Variants in HECTD3 observed in about 807,000 individuals in gnomAD.
The protein encoded by HECTD3 is E3 ubiquitin-protein ligase HECTD3.
Under a neutral mutation model 109.3 loss-of-function variants are expected in HECTD3, and 72 were observed. That is an observed-to-expected ratio of 0.66 (90% CI 0.54 to 0.80). The LOEUF (loss-of-function observed/expected upper bound fraction) is 0.80. HECTD3 is among the 30% of genes least tolerant of loss of function. HECTD3 has a pLI of 0.00. For synonymous variants in HECTD3, 481 were observed against 471.8 expected (o/e 1.02, Z -0.25); for missense variants, 1,041 against 1,165.2 (o/e 0.89, Z 1.55).
Position 45,011,262 on chromosome 1 carries a change from A to G in HECTD3, c.-5T>C. 2 of 1,350,952 alleles carry G rather than the reference A, an allele frequency of 1.5e-6. No individual in the cohort carries two copies. The highest frequency in any genetic ancestry group is 1.9e-6 in the Non-Finnish European group (2 of 1,057,236). 83.7% of individuals were successfully genotyped at this position (1,350,952 alleles called of 1,614,324 possible). On this transcript the variant is annotated 5_prime_UTR_variant, in exon 1 of 21. Coordinates refer to ENST00000372172, the MANE Select transcript of HECTD3 (RefSeq NM_024602.6). Reference sequence around the variant, plus strand: ...GCCCGGGCCAGGACCCGCCATGGCGAAGTGGCGGAGGTGAGCACCTAGAGG... The same window carrying G: ...GCCCGGGCCAGGACCCGCCATGGCGGAGTGGCGGAGGTGAGCACCTAGAGG...
chr1:45,010,609 T>C lies in HECTD3; in HGVS notation c.467A>G (p.Asp156Gly), dbSNP rs1281779974. Residue 156 changes from aspartate to glycine, a missense_variant, in exon 2 of 21, where the codon GAC becomes GGC. Asp to Gly is a moderately conservative substitution (Grantham distance 94, BLOSUM62 -1). Around this residue, in one of 2 missense-constraint regions of HECTD3, gnomAD observed 472 missense variants for 449.9 expected, o/e 1.05. Transcript: ENST00000372172. ...CTGCCGCTGGAGGTGGTTGGGAGTG[T>C]CGATGGGTACCAGGCGGGCTCCGCC... ...AEGGARLVPI[D>G]TPNHLQRQQQ... 4 of 1,613,066 alleles carry C rather than the reference T, an allele frequency of 2.5e-6. No individual in the cohort carries two copies. Among genetic ancestry groups the C allele is most frequent in the Non-Finnish European group, 3.4e-6 (4 of 1,179,908 alleles).
In HECTD3 at chr1:45,006,966, C is replaced by T. The variant is rs1459089682; in HGVS notation, c.1606G>A (p.Gly536Ser). 7 of 1,613,998 alleles carry T rather than the reference C, an allele frequency of 4.3e-6. No homozygotes were observed. The Admixed American group carries it at 1.2e-4, about 27-fold the overall frequency. The change falls in exon 12 of 21, where the codon GGC becomes AGC. Residue 536 changes from glycine to serine, a missense_variant. By Grantham distance (56) the Gly-to-Ser change is moderately conservative. Around this residue, in one of 2 missense-constraint regions of HECTD3, gnomAD observed 569 missense variants for 715.3 expected, o/e 0.80. Transcript: ENST00000372172. This position sits in a 1 kb window ranked among gnomAD's most constrained non-coding sequence, Gnocchi z 4.7. ...AGGGCCTCACCTTGGTCAATGATGC[C>T]TTCTGCAATAAATTTACACTCCCAC... ...QWWECKFIAE[G>S]IIDQGGGFRD...
At chr1:45,004,525 G>A (rs1221333540) in intron 16 of HECTD3, 75 bp downstream of exon 16, 20 of 1,594,930 alleles carry the variant, frequency 1.3e-5, no homozygotes, top group Non-Finnish European at 1.7e-5. Flanking sequence ...TGGCTTACAG[G>A]CTGTGTTCTG....
chr1:45,010,816 G>C (rs558112177), intron 1 of HECTD3, 73 bp downstream of exon 1: 49 of 1,507,686 alleles, frequency 3.3e-5, no homozygotes, highest in Non-Finnish European at 3.6e-5. Flanking sequence ...ATACAGGGGA[G>C]AAAAGGCAAA....
intron 16 of HECTD3, 96 bp downstream of exon 16, chr1:45,004,504 T>C: frequency 6.3e-7 from 1 of 1,591,394 alleles, no homozygotes; most frequent in African/African-American, 1.3e-5. Flanking sequence ...CCAGAGTTCT[T>C]GGAGTACTGG....
At position 45,010,674 on chromosome 1, in the gene HECTD3, C is replaced by G; in HGVS notation, c.402G>C (p.Gly134=). Residue 134 remains glycine (G), a synonymous_variant, in exon 2 of 21, where the codon GGG becomes GGC. Coordinates refer to ENST00000372172, the MANE Select transcript of HECTD3 (RefSeq NM_024602.6). ...EQLAEHLGDC[G]LQEGWLLVCR... ...ACACCAGCAGCCAGCCTTCCTGCAG[C>G]CCGCAGTCGCCCAGGTGCTCTGCCA... is the stretch of plus-strand genomic sequence containing the variant. The G allele has an allele frequency of 6.4e-7, 1 of 1,574,350 alleles. No individual in the cohort carries two copies. The highest frequency in any genetic ancestry group is 8.6e-7 in the Non-Finnish European group (1 of 1,164,792).
Position 45,006,742 on chromosome 1 carries a change from A to C in HECTD3, c.1675T>G (p.Ser559Ala). 6.2e-7 allele frequency: 1 copy of C among 1,613,746 alleles called. No individual in the cohort carries two copies. The highest frequency in any genetic ancestry group is 8.5e-7 in the Non-Finnish European group (1 of 1,179,864). ...GGCAGGGGCACGGGGGTATCCGCTG[A>C]GCTAGGGCACAGCTCTTCTGACATA... The part of the protein sequence containing the change: ...ADMSEELCPS[S>A]ADTPVPLPFF... Residue 559 changes from serine to alanine, a missense_variant, in exon 13 of 21, where the codon TCA becomes GCA. Ser to Ala is a moderately conservative substitution (Grantham distance 99). Transcript: ENST00000372172. The surrounding 1 kb of genome is among the most constrained non-coding windows in gnomAD (Gnocchi z 4.7).
chr1:45,006,748 G>T lies in HECTD3; in HGVS notation c.1669C>A (p.Pro557Thr). The T allele has an allele frequency of 6.2e-7, 1 of 1,613,758 alleles. No individual in the cohort carries two copies. Among genetic ancestry groups the T allele is most frequent in the South Asian group, 1.1e-5 (1 of 90,996 alleles). The change falls in exon 13 of 21, where the codon CCT becomes ACT. Residue 557 changes from proline to threonine, a missense_variant. Physicochemically the swap from Pro to Thr is conservative, Grantham distance 38. Around this residue, in one of 2 missense-constraint regions of HECTD3, gnomAD observed 569 missense variants for 715.3 expected, o/e 0.80. Transcript: ENST00000372172. This position sits in a 1 kb window ranked among gnomAD's most constrained non-coding sequence, Gnocchi z 4.7. Reference sequence around the variant, plus strand: ...GGCACGGGGGTATCCGCTGAGCTAGGGCACAGCTCTTCTGACATATCTGCC... The same window carrying T: ...GGCACGGGGGTATCCGCTGAGCTAGTGCACAGCTCTTCTGACATATCTGCC... ...SLADMSEELCPSSADTPVPLP... is the reference protein window; with the variant it reads ...SLADMSEELCTSSADTPVPLP...
intron 15 of HECTD3, chr1:45,005,382 A>G (rs6674839): frequency 1 from 191,583 of 191,642 alleles, 95,762 homozygotes; most frequent in Non-Finnish European, 1. Context: ...AGGAAAAGCA[A>G]ACAGATTACA....
At chr1:45,007,918 T>C (rs1644750678) in intron 9 of HECTD3, among the ~76,000 whole-genome samples, 1 of 152,168 alleles carries the variant, frequency 6.6e-6, no homozygotes, top group East Asian at 1.9e-4. Context: ...CTCATCCCTC[T>C]GTCATACTCA....
chr1:45,009,006 A>T (rs1644759743), intron 7 of HECTD3, 138 bp downstream of exon 7: 2 of 770,464 alleles, frequency 2.6e-6, no homozygotes, highest in East Asian at 2.7e-5. Flanking sequence ...TCAGGCCCCA[A>T]AGCTCCAAAT....
In HECTD3 at chr1:45,006,067, C is replaced by T; in HGVS notation, c.1775G>A (p.Cys592Tyr). 1 of 1,614,194 alleles carries T rather than the reference C, an allele frequency of 6.2e-7. No individual in the cohort carries two copies. The change falls in exon 14 of 21, where the codon TGC becomes TAC. Residue 592 changes from cysteine to tyrosine, a missense_variant. Coordinates refer to ENST00000372172, the MANE Select transcript of HECTD3 (RefSeq NM_024602.6). The surrounding 1 kb of genome is among the most constrained non-coding windows in gnomAD (Gnocchi z 4.7). ...ARDMYVPNPSCRDFAKYEWIG... is the reference protein window; with the variant it reads ...ARDMYVPNPSYRDFAKYEWIG... ...CCATTCATACTTGGCAAAGTCTCGG[C>T]AGGAGGGGTTGGGTACATACATGTC...
Position 45,010,709 on chromosome 1 carries a change from G to A in HECTD3, c.370-3C>T, listed in dbSNP as rs1247889915. On this transcript the variant is annotated splice_region_variant and splice_polypyrimidine_tract_variant and intron_variant, in intron 1 of 20. Coordinates refer to ENST00000372172, the MANE Select transcript of HECTD3 (RefSeq NM_024602.6). The stretch of plus-strand genomic sequence containing the variant: ...CCCAGGTGCTCTGCCAGCTGCTCCT[G>A]CCGGGACGCGTAGGATGGGGACAGC... 9 of 1,542,726 alleles carry A rather than the reference G, an allele frequency of 5.8e-6. No homozygotes were observed. The highest frequency in any genetic ancestry group is 7.8e-6 in the Non-Finnish European group (9 of 1,149,742).
chr1:45,010,714 G>A lies in HECTD3; in HGVS notation c.370-8C>T, dbSNP rs746866890. 6.5e-7 allele frequency: 1 copy of A among 1,540,084 alleles called. No individual in the cohort carries two copies. The highest frequency in any genetic ancestry group is 1.2e-5 in the South Asian group (1 of 83,316). ...GTGCTCTGCCAGCTGCTCCTGCCGG[G>A]ACGCGTAGGATGGGGACAGCCGTCA... is the stretch of plus-strand genomic sequence containing the variant. On this transcript the variant is annotated splice_region_variant and splice_polypyrimidine_tract_variant and intron_variant, in intron 1 of 20. Transcript: ENST00000372172.
chr1:45,005,668 C>G, intron 15 of HECTD3, 126 bp downstream of exon 15: 1 of 719,836 alleles, frequency 1.4e-6, no homozygotes, highest in South Asian at 2.2e-5. Context: ...GTAGTTGAAG[C>G]CATGGGAGTG....
intron 9 of HECTD3, 112 bp downstream of exon 9, chr1:45,008,128 A>T: frequency 1.3e-6 from 1 of 791,148 alleles, no homozygotes. Context: ...ATGTTCCCAG[A>T]CCCAGCAAAG....
At chr1:45,008,132 A>T in intron 9 of HECTD3, 108 bp downstream of exon 9, 3 of 827,698 alleles carry the variant, frequency 3.6e-6, no homozygotes, top group Non-Finnish European at 5.8e-6. Context: ...TCCCAGACCC[A>T]GCAAAGGTCT....
At chr1:45,004,572 C>G (rs778676104) in intron 16 of HECTD3, 28 bp downstream of exon 16, 1 of 1,612,930 alleles carries the variant, frequency 6.2e-7, no homozygotes, top group Non-Finnish European at 8.5e-7. Flanking sequence ...GGCCAAAGCT[C>G]TCTGCTCTAC....
Position 45,006,247 on chromosome 1 carries a change from C to T in HECTD3, c.1726-131G>A. On this transcript the variant is annotated intron_variant, in intron 13 of 20. Coordinates refer to ENST00000372172, the MANE Select transcript of HECTD3 (RefSeq NM_024602.6). This position sits in a 1 kb window ranked among gnomAD's most constrained non-coding sequence, Gnocchi z 4.7. ...TCCCTTCAAATGCACAGTGGCTCCT[C>T]CTCTCCCTGTCTGCCCAGAGGTTGC... The T allele has an allele frequency of 8.4e-7, 1 of 1,184,576 alleles. No individual in the cohort carries two copies. Among genetic ancestry groups the T allele is most frequent in the Non-Finnish European group, 1.2e-6 (1 of 828,406 alleles). The allele number at this position is 1,184,576 out of a possible 1,614,324, so 73.4% of individuals were successfully genotyped here. A position where few individuals can be genotyped will look rare whatever the true frequency, so the allele number is the denominator to read the frequency against.
Sources: gnomAD v4.1 joint callset for allele counts (sites outside exome capture counted in the v4.1 genomes callset) on GRCh38, gnomAD v4.1.1 for gene constraint, gnomAD v4.1.1 regional missense constraint, Gnocchi (gnomAD v3.1) non-coding constraint, MANE v1.5 for transcripts, NCBI Gene and HGNC (gene_info 2026-07-23, HGNC 2026-07-21) for gene names.